The following ATAD2 variants were observed in gnomAD, a reference collection of about 807,000 sequenced individuals.
The protein encoded by ATAD2 is ATPase family AAA domain containing 2, also known as ATPase family AAA domain-containing protein 2.
ATAD2 carries 62 observed loss-of-function variants against 168.9 expected under a neutral mutation model. The observed-to-expected ratio is 0.37, with a 90% CI of 0.30 to 0.45. The LOEUF is 0.45. Ranked by LOEUF, ATAD2 falls within the 20% of genes least tolerant of loss-of-function variation. The pLI, the probability that ATAD2 is intolerant of heterozygous loss-of-function variation, is 1.00. For missense variants in ATAD2, 1,419 were observed against 1,667.8 expected, an observed-to-expected ratio of 0.85 and a Z score of 2.60; for synonymous variants, 613 against 571.6, an observed-to-expected ratio of 1.07 and a Z score of -1.03.
chr8:123,322,051 G>T (rs1412292838), intron 27 of ATAD2, among the ~76,000 whole-genome samples: 1 of 144,020 alleles, frequency 6.9e-6, no homozygotes, highest in African/African-American at 2.6e-5. Context: ...GCAGTAGCTT[G>T]ATCTTGGCTC....
chr8:123,404,472 T>C (rs1004513155), intron 1 of ATAD2, among the ~76,000 whole-genome samples: 1 of 152,174 alleles, frequency 6.6e-6, no homozygotes, highest in African/African-American at 2.4e-5. Flanking sequence ...TCTTGGCTTG[T>C]AGGAGTGTAA....
At chr8:123,322,098 A>G (rs939216601) in intron 27 of ATAD2, among the ~76,000 whole-genome samples, 1 of 149,506 alleles carries the variant, frequency 6.7e-6, no homozygotes, top group South Asian at 2.1e-4. Flanking sequence ...AGTGATTCTC[A>G]TGCCTCAGCC....
At chr8:123,357,769 C>G in intron 11 of ATAD2, 33 bp from the exon 12 acceptor site, 1 of 1,528,954 alleles carries the variant, frequency 6.5e-7, no homozygotes. Flanking sequence ...TTTAGTATTA[C>G]ATTTAAAAAG....
intron 1 of ATAD2, among the ~76,000 whole-genome samples, chr8:123,384,838 G>A (rs763163163): frequency 6.6e-6 from 1 of 152,114 alleles, no homozygotes; most frequent in Non-Finnish European, 1.5e-5. Context: ...AATCCAAGTA[G>A]ATAATATGTT....
chr8:123,350,881 T>C (rs1186179629), intron 13 of ATAD2, among the ~76,000 whole-genome samples: 1 of 151,870 alleles, frequency 6.6e-6, no homozygotes, highest in East Asian at 1.9e-4. Flanking sequence ...CCCGCTACCA[T>C]GCCTGGCTAA....
intron 2 of ATAD2, among the ~76,000 whole-genome samples, chr8:123,379,567 T>A (rs1586897284): frequency 6.6e-6 from 1 of 151,068 alleles, no homozygotes. Context: ...TACTAATTTT[T>A]TTTTTTTTTT....
At chr8:123,409,940 GAA>G (rs33947485) in intron 1 of ATAD2, among the ~76,000 whole-genome samples, 6 of 102,870 alleles carry the variant, frequency 5.8e-5, no homozygotes, top group East Asian at 2.8e-4. Context: ...CTCCATCTCG[GAA>G]AAAAAAAAAA....
intron 1 of ATAD2, among the ~76,000 whole-genome samples, chr8:123,393,557 G>A (rs1812693116): frequency 6.6e-6 from 1 of 151,812 alleles, no homozygotes; most frequent in Admixed American, 6.6e-5. Flanking sequence ...TTGAGGGAAG[G>A]TGGGGCATAA....
intron 1 of ATAD2, among the ~76,000 whole-genome samples, chr8:123,407,871 C>T (rs1040739541): frequency 2.7e-5 from 4 of 149,918 alleles, no homozygotes; most frequent in Admixed American, 6.7e-5. Flanking sequence ...AAAAAAGAAA[C>T]GGAGGTTCTT....
intron 1 of ATAD2, among the ~76,000 whole-genome samples, chr8:123,406,741 T>TG (rs1488635421): frequency 6.7e-6 from 1 of 148,554 alleles, no homozygotes; most frequent in East Asian, 2.0e-4. Context: ...CACTTGAGCC[T>TG]GGGAGGTGGA....
intron 2 of ATAD2, among the ~76,000 whole-genome samples, chr8:123,377,111 A>AAAAAAAAAAAAAAAAAAAAAAAAAAAC (rs1829341803): frequency 6.8e-6 from 1 of 146,850 alleles, no homozygotes; most frequent in Admixed American, 6.9e-5. Context: ...AAAAAAAAAA[A>AAAAAAAAAAAAAAAAAAAAAAAAAAAC]AGAGCCAGGT....
chr8:123,400,003 G>C (rs189431201), upstream of ATAD2, among the ~76,000 whole-genome samples: 1 of 149,242 alleles, frequency 6.7e-6, no homozygotes, highest in African/African-American at 2.5e-5. The surrounding 1 kb of genome is among the most constrained non-coding windows in gnomAD (Gnocchi z 4.5). Context: ...GTCTCTACTA[G>C]AAATACAAAA....
rs760726039 is a variant in ATAD2 at position 123,396,328 on chromosome 8, C to T, written c.30G>A (p.Leu10=). 8.1e-6 allele frequency: 13 copies of T among 1,602,568 alleles called. No homozygotes were observed. Among genetic ancestry groups the T allele is most frequent in the East Asian group, 4.5e-5 (2 of 43,988 alleles). The change falls in exon 1 of 28, where the codon CTG becomes CTA. Residue 10 remains leucine (L), a synonymous_variant. Coordinates refer to ENST00000287394, the MANE Select transcript of ATAD2 (RefSeq NM_014109.4). The part of the protein sequence containing the change: MVVLRSSLE[L]HNHSAASATG... ...TGGCCGAGGCCGCGGAGTGGTTGTGCAGCTCCAAGCTGCTGCGGAGAACCA... is the reference window on the plus strand; with the variant it reads ...TGGCCGAGGCCGCGGAGTGGTTGTGTAGCTCCAAGCTGCTGCGGAGAACCA...
chr8:123,363,866 AT>A (rs1196408027), intron 8 of ATAD2, among the ~76,000 whole-genome samples: 1 of 152,184 alleles, frequency 6.6e-6, no homozygotes, highest in Non-Finnish European at 1.5e-5. Flanking sequence ...AGGTTAAATA[AT>A]TTACTCAAAA....
chr8:123,382,079 C>A (rs550962659), intron 1 of ATAD2, among the ~76,000 whole-genome samples: 1 of 152,166 alleles, frequency 6.6e-6, no homozygotes, highest in African/African-American at 2.4e-5. Flanking sequence ...AGATAGAAAT[C>A]AAAGTCAAAG....
intron 2 of ATAD2, among the ~76,000 whole-genome samples, chr8:123,379,370 A>G (rs182082824): frequency 1.3e-5 from 2 of 152,320 alleles, no homozygotes; most frequent in East Asian, 3.9e-4. Flanking sequence ...CAGAACTACG[A>G]TTATGAATGA....
intron 24 of ATAD2, 56 bp downstream of exon 24, chr8:123,333,822 G>T: frequency 1.3e-6 from 2 of 1,493,882 alleles, no homozygotes; most frequent in South Asian, 1.4e-5. Context: ...AAAGTTAATG[G>T]CATTAGAAAA....
chr8:123,411,515 C>T (rs1426287316), intron 1 of ATAD2, among the ~76,000 whole-genome samples: 1 of 152,184 alleles, frequency 6.6e-6, no homozygotes, highest in Admixed American at 6.6e-5. Flanking sequence ...TGACCGCATC[C>T]ACCTTTAAAC....
Position 123,346,667 on chromosome 8 carries a change from T to C in ATAD2, c.2296A>G (p.Lys766Glu). Residue 766 changes from lysine (K) to glutamate (E), a missense_variant, in exon 17 of 28, where the codon AAA becomes GAA. Physicochemically the swap from Lys to Glu is moderately conservative, Grantham distance 56. Transcript: ENST00000287394. ...TTGTCTTTTGCCTTATGAGAAGATTTCTGAGAAAGTCCATTTTCATAAACT... is the reference window on the plus strand; with the variant it reads ...TTGTCTTTTGCCTTATGAGAAGATTCCTGAGAAAGTCCATTTTCATAAACT... Reference protein sequence around the residue: ...PSVYENGLSQKSSHKAKDNFN... With the variant: ...PSVYENGLSQESSHKAKDNFN... 6.3e-7 allele frequency: 1 copy of C among 1,586,592 alleles called. No homozygotes were observed. Among genetic ancestry groups the C allele is most frequent in the Non-Finnish European group, 8.6e-7 (1 of 1,164,678 alleles).
Sources: gnomAD v4.1 joint callset for allele counts (sites outside exome capture counted in the v4.1 genomes callset) on GRCh38, gnomAD v4.1.1 for gene constraint, Gnocchi (gnomAD v3.1) non-coding constraint, MANE v1.5 for transcripts, NCBI Gene and HGNC (gene_info 2026-07-23, HGNC 2026-07-21) for gene names.